Variants in AFG3L2 observed in about 807,000 individuals in gnomAD.
AFG3L2 encodes the protein AFG3 like matrix AAA peptidase subunit 2.
Under a neutral mutation model 94.5 loss-of-function variants are expected in AFG3L2, and 54 were observed. That is an observed-to-expected ratio of 0.57 (90% CI 0.46 to 0.72). The LOEUF is 0.72. Among genes scored for constraint, AFG3L2 ranks in the 30% least tolerant of loss-of-function variants. The probability of loss-of-function intolerance (pLI) is 0.00; values close to 1 mark genes in which losing one functional copy is unlikely to be tolerated. For synonymous variants in AFG3L2, 377 were observed against 365.5 expected (o/e 1.03, Z -0.36); for missense variants, 754 against 994.9 (o/e 0.76, Z 3.26).
At chr18:12,370,154 G>A (rs867927459) in intron 3 of AFG3L2, among the ~76,000 whole-genome samples, 13 of 150,934 alleles carry the variant, frequency 8.6e-5, no homozygotes, top group South Asian at 8.4e-4. Flanking sequence ...AAGTCTCTCC[G>A]AATCCCTAAG....
At position 12,358,848 on chromosome 18, in the gene AFG3L2, C is replaced by T. The variant is rs758696616; in HGVS notation, c.848G>A (p.Arg283Gln). 5.6e-6 allele frequency: 9 copies of T among 1,614,134 alleles called. No individual in the cohort carries two copies. Among genetic ancestry groups the T allele is most frequent in the East Asian group, 2.2e-5 (1 of 44,898 alleles). ...GACACTGAAGAGTCCGCCCATCCCT[C>T]GGCCTGTCCGGCCAATGCCAGCAGG... is the stretch of plus-strand genomic sequence containing the variant. Reference protein sequence around the residue: ...RGPAGIGRTGRGMGGLFSVGE... With the variant: ...RGPAGIGRTGQGMGGLFSVGE... Residue 283 changes from arginine to glutamine, a missense_variant, in exon 8 of 17, where the codon CGA becomes CAA. Around this residue, in one of 4 missense-constraint regions of AFG3L2, gnomAD observed 130 missense variants for 175.1 expected, o/e 0.74. Coordinates refer to ENST00000269143, the MANE Select transcript of AFG3L2 (RefSeq NM_006796.3).
intron 16 of AFG3L2, among the ~76,000 whole-genome samples, chr18:12,335,103 A>G (rs1907698589): frequency 6.6e-6 from 1 of 152,114 alleles, no homozygotes; most frequent in African/African-American, 2.4e-5. Context: ...TCCCTCACTC[A>G]TTGCTCACAA....
intron 5 of AFG3L2, among the ~76,000 whole-genome samples, chr18:12,365,860 C>T (rs182531031): frequency 6.7e-6 from 1 of 150,374 alleles, no homozygotes; most frequent in Non-Finnish European, 1.5e-5. Flanking sequence ...TATCACTACA[C>T]TGCATCAATT....
At chr18:12,332,854 A>C (rs1185226776) in intron 16 of AFG3L2, among the ~76,000 whole-genome samples, 2 of 62,904 alleles carry the variant, frequency 3.2e-5, no homozygotes, top group South Asian at 1.1e-3. Context: ...ACACACACAC[A>C]CCATAGTTGT....
rs1441496082 is a variant in AFG3L2 at position 12,369,737 on chromosome 18, TAC to T, written c.292+1110_292+1111del. On this transcript the variant is annotated intron_variant, in intron 3 of 16. Transcript: ENST00000269143. ...AAAAAAAAAAAAAAAGAAACTGAAT[TAC>T]AGTTTTCTTTACATTTCCCTAAAAA... Among the ~76,000 whole-genome samples, 16 of 136,284 alleles carry T rather than the reference TAC, an allele frequency of 1.2e-4. No individual in the cohort carries two copies. In the Admixed American group the frequency reaches 1.2e-3, roughly 10 times the overall value. The allele number at this position is 136,284 out of a possible 152,430, so 89.4% of individuals were successfully genotyped here.
intron 6 of AFG3L2, among the ~76,000 whole-genome samples, chr18:12,362,911 G>T (rs1252022526): frequency 6.6e-6 from 1 of 152,192 alleles, no homozygotes; most frequent in Non-Finnish European, 1.5e-5. Flanking sequence ...GGCCTCATGA[G>T]AAAGTGCCAA....
intron 5 of AFG3L2, among the ~76,000 whole-genome samples, chr18:12,365,334 C>G (rs1418422143): frequency 2.0e-5 from 3 of 152,182 alleles, no homozygotes; most frequent in African/African-American, 7.2e-5. Flanking sequence ...ACGGCTGCAG[C>G]CCAGTCCACA....
intron 13 of AFG3L2, 193 bp from the exon 14 acceptor site, chr18:12,344,440 T>A (rs1161233563): frequency 1.6e-5 from 9 of 570,418 alleles, no homozygotes; most frequent in Non-Finnish European, 2.6e-5. Context: ...TTTGGGAGGC[T>A]GAGGTGGTCC....
At chr18:12,345,862 T>C (rs1455415804) in intron 13 of AFG3L2, among the ~76,000 whole-genome samples, 1 of 152,222 alleles carries the variant, frequency 6.6e-6, no homozygotes, top group Non-Finnish European at 1.5e-5. Flanking sequence ...CAATAACAAA[T>C]TTATAGAATA....
Position 12,376,955 on chromosome 18 carries a change from C to A in AFG3L2, c.114+14G>T. On this transcript the variant is annotated intron_variant, in intron 1 of 16. Coordinates refer to ENST00000269143, the MANE Select transcript of AFG3L2 (RefSeq NM_006796.3). ...GGCAGGGTGGAGGGCGCCGGGCGCCCAGGTAGGACTCACCGTCCGGAGGCA... is the reference window on the plus strand; with the variant it reads ...GGCAGGGTGGAGGGCGCCGGGCGCCAAGGTAGGACTCACCGTCCGGAGGCA... 7.0e-7 allele frequency: 1 copy of A among 1,434,144 alleles called. No homozygotes were observed. Among genetic ancestry groups the A allele is most frequent in the South Asian group, 1.4e-5 (1 of 72,506 alleles). 88.8% of individuals were successfully genotyped at this position (1,434,144 alleles called of 1,614,324 possible). A position where few individuals can be genotyped will look rare whatever the true frequency, so the allele number is the denominator to read the frequency against.
intron 16 of AFG3L2, among the ~76,000 whole-genome samples, chr18:12,332,835 T>TACACAC (rs71172073): frequency 3.0e-4 from 40 of 135,310 alleles, no homozygotes; most frequent in Non-Finnish European, 5.3e-4. Flanking sequence ...AATTTGCTTA[T>TACACAC]ACACACACAC....
At chr18:12,343,111 T>C (rs1461334875) in intron 14 of AFG3L2, 1 of 152,238 alleles carries the variant, frequency 6.6e-6, no homozygotes, top group Non-Finnish European at 1.5e-5. Flanking sequence ...CCTCTATTTT[T>C]ATTTAGGGCT....
At chr18:12,358,992 G>C (rs758208137) in intron 7 of AFG3L2, 49 bp from the exon 8 acceptor site, 4 of 1,576,218 alleles carry the variant, frequency 2.5e-6, no homozygotes, top group South Asian at 2.3e-5. Flanking sequence ...CTCACCTCCA[G>C]CTTTCACATG....
intron 10 of AFG3L2, 92 bp downstream of exon 10, chr18:12,352,913 C>T (rs1470193296): frequency 1.6e-5 from 25 of 1,567,802 alleles, no homozygotes; most frequent in Admixed American, 3.4e-5. Flanking sequence ...CGAAATCACA[C>T]CACTCACTTC....
Position 12,350,951 on chromosome 18 carries a change from A to T in AFG3L2, c.1552+134T>A. 3.2e-6 allele frequency: 4 copies of T among 1,253,798 alleles called. No individual in the cohort carries two copies. In the South Asian group the frequency reaches 5.1e-5, roughly 16 times the overall value. The allele number at this position is 1,253,798 out of a possible 1,614,324, so 77.7% of individuals were successfully genotyped here. ...AATTAAGTGAGACCCTGTCTCAAAA[A>T]AAATAAAAATGAGAATATAAACTTA... On this transcript the variant is annotated intron_variant, in intron 12 of 16. Transcript: ENST00000269143.
chr18:12,346,903 CAAAAAAAA>C (rs35013811), intron 13 of AFG3L2, among the ~76,000 whole-genome samples: 1 of 36,830 alleles, frequency 2.7e-5, no homozygotes, highest in Non-Finnish European at 4.7e-5. Context: ...GACTCCATCT[CAAAAAAAA>C]AAAAAAAAAA....
At chr18:12,368,230 G>A (rs1908869394) in intron 3 of AFG3L2, among the ~76,000 whole-genome samples, 2 of 151,702 alleles carry the variant, frequency 1.3e-5, no homozygotes, top group Admixed American at 6.6e-5. Context: ...ATCGTAGTGT[G>A]CACCTGTGGT....
chr18:12,366,198 C>T (rs922201638), intron 5 of AFG3L2, among the ~76,000 whole-genome samples: 5 of 152,178 alleles, frequency 3.3e-5, no homozygotes, highest in Admixed American at 6.6e-5. Context: ...CTAAGACACA[C>T]ATTTTTCATA....
At chr18:12,352,293 G>A (rs992633247) in intron 10 of AFG3L2, among the ~76,000 whole-genome samples, 1 of 152,186 alleles carries the variant, frequency 6.6e-6, no homozygotes, top group Non-Finnish European at 1.5e-5. Flanking sequence ...CGGGACGGAG[G>A]AGGCTTTCTA....
Sources: gnomAD v4.1 joint callset for allele counts (sites outside exome capture counted in the v4.1 genomes callset) on GRCh38, gnomAD v4.1.1 for gene constraint, gnomAD v4.1.1 regional missense constraint, MANE v1.5 for transcripts, NCBI Gene and HGNC (gene_info 2026-07-23, HGNC 2026-07-21) for gene names.